The following PTPRS variants were observed in gnomAD, a reference collection of about 807,000 sequenced individuals.
PTPRS encodes the protein protein tyrosine phosphatase receptor type S.
In PTPRS, 63 loss-of-function variants were observed where a neutral mutation model predicts 215.3. The observed-to-expected ratio is 0.29, with a 90% CI of 0.24 to 0.36. The LOEUF is 0.36. PTPRS is among the 10% of genes least tolerant of loss of function. The pLI is 1.00. For synonymous variants in PTPRS, 1,404 were observed against 1,191.4 expected, an observed-to-expected ratio of 1.18 and a Z score of -3.68; for missense variants, 2,258 against 2,825.8, an observed-to-expected ratio of 0.80 and a Z score of 4.56.
At chr19:5,309,398 T>C (rs952868891) in intron 1 of PTPRS, among the ~76,000 whole-genome samples, 1 of 152,192 alleles carries the variant, frequency 6.6e-6, no homozygotes. Flanking sequence ...GCTTGACGCA[T>C]ATTAACTCGT....
rs566878855 is a variant in PTPRS, at chr19:5,326,562, T to A, written c.-95+14102A>T. 9.2e-5 allele frequency among the ~76,000 whole-genome samples: 14 copies of A among 152,184 alleles called. No homozygotes were observed. In the South Asian group the frequency reaches 2.9e-3, roughly 32 times the overall value. On this transcript the variant is annotated intron_variant, in intron 1 of 37. Coordinates refer to ENST00000262963, the MANE Select transcript of PTPRS (RefSeq NM_002850.4). ...CTGGCTGGGCACGGTGGCTCGTGCC[T>A]GTAATCCCAGCGCTTTGCGAGGCTG...
At chr19:5,278,183 CAA>C (rs397951131) in intron 2 of PTPRS, 238 of 126,534 alleles carry the variant, frequency 1.9e-3, no homozygotes, top group South Asian at 8.4e-3. Context: ...TAGAAACTGC[CAA>C]AAAAAAAAAA....
At chr19:5,318,349 A>G (rs574064451) in intron 1 of PTPRS, among the ~76,000 whole-genome samples, 3 of 152,024 alleles carry the variant, frequency 2.0e-5, no homozygotes, top group South Asian at 2.1e-4. Flanking sequence ...AAAAAAAAAA[A>G]AAGAAGAAGA....
chr19:5,206,396 T>G lies in PTPRS; in HGVS notation c.*378A>C, dbSNP rs994104066. ...GCAGAGCGGGGAGGAGCCCCCCGGG[T>G]CCCCCTACCACCGCTGGGGGAGGAC... is the stretch of plus-strand genomic sequence containing the variant. On this transcript the variant is annotated 3_prime_UTR_variant, in exon 38 of 38. Transcript: ENST00000262963. 5 of 253,240 alleles carry G rather than the reference T, an allele frequency of 2.0e-5. No individual in the cohort carries two copies. Among genetic ancestry groups the G allele is most frequent in the Non-Finnish European group, 3.8e-5 (5 of 131,750 alleles). The allele number at this position is 253,240 out of a possible 1,614,324, so 15.7% of individuals were successfully genotyped here.
intron 11 of PTPRS, among the ~76,000 whole-genome samples, chr19:5,242,306 T>C (rs560216253): frequency 6.6e-6 from 1 of 152,348 alleles, no homozygotes; most frequent in East Asian, 1.9e-4. Flanking sequence ...ACCCGGGTGT[T>C]TGATCTTAGC....
At position 5,244,198 on chromosome 19, in the gene PTPRS, C is replaced by A. The variant is rs1181117492; in HGVS notation, c.1273G>T (p.Ala425Ser). The change falls in exon 11 of 38, where the codon GCC becomes TCC. Residue 425 changes from alanine (A) to serine (S), a missense_variant. By Grantham distance (99) the Ala-to-Ser change is moderately conservative (BLOSUM62 1). This residue lies in a region of PTPRS where 508 missense variants were observed against 799.4 expected (regional missense o/e 0.64). Transcript: ENST00000262963. This position sits in a 1 kb window ranked among gnomAD's most constrained non-coding sequence, Gnocchi z 7.2. ...ESVVTRTGEQ[A>S]PASAPRNVQA... ...ACGTTCCGCGGCGCGCTGGCCGGGG[C>A]CTGCTCGCCTGTGCGGGTGACCACG... 1.9e-6 allele frequency: 3 copies of A among 1,603,020 alleles called. No homozygotes were observed. In the Admixed American group the frequency reaches 5.0e-5, roughly 27 times the overall value.
chr19:5,326,907 G>C (rs2050184102), intron 1 of PTPRS, among the ~76,000 whole-genome samples: 1 of 152,124 alleles, frequency 6.6e-6, no homozygotes. Context: ...CTTAGGCGAT[G>C]GGGCAGCAAA....
At chr19:5,256,663 G>A (rs932121808) in intron 8 of PTPRS, among the ~76,000 whole-genome samples, 56 of 152,078 alleles carry the variant, frequency 3.7e-4, no homozygotes, top group African/African-American at 1.3e-3. Context: ...TTGGAGTCAC[G>A]AACGCATTAC....
rs998567946 is a variant in PTPRS at position 5,260,957 on chromosome 19, T to C, written c.578-135A>G. ...CCCAGGGAGGGGATCGAGCCAGCCC[T>C]GGGCATACGGACCCTGCGGGCTTTG... On this transcript the variant is annotated intron_variant, in intron 6 of 37. Transcript: ENST00000262963. 5.6e-6 allele frequency: 6 copies of C among 1,062,768 alleles called. No individual in the cohort carries two copies. The Admixed American group carries it at 1.1e-4, about 19-fold the overall frequency. 65.8% of individuals were successfully genotyped at this position (1,062,768 alleles called of 1,614,324 possible).
chr19:5,229,432 C>A, intron 15 of PTPRS, 59 bp downstream of exon 15: 2 of 1,362,030 alleles, frequency 1.5e-6, no homozygotes, highest in Non-Finnish European at 1.9e-6. Context: ...GTGGGGGGAG[C>A]GCAAGGGCCC....
chr19:5,266,695 C>T (rs867264064), intron 4 of PTPRS, among the ~76,000 whole-genome samples: 15 of 152,094 alleles, frequency 9.9e-5, no homozygotes, highest in African/African-American at 3.4e-4. Context: ...ACTGCTCCCC[C>T]GCTGTACACC....
intron 3 of PTPRS, 94 bp from the exon 4 acceptor site, chr19:5,273,677 C>A (rs1385421203): frequency 2.5e-5 from 36 of 1,441,546 alleles, no homozygotes; most frequent in Non-Finnish European, 3.4e-5. Flanking sequence ...AGGGGAATGG[C>A]AGTCAGCCCC....
chr19:5,308,609 T>G (rs1383259474), intron 1 of PTPRS, among the ~76,000 whole-genome samples: 1 of 152,026 alleles, frequency 6.6e-6, no homozygotes, highest in African/African-American at 2.4e-5. Context: ...GCGGCAGAGG[T>G]GGCTGCCAGC....
intron 1 of PTPRS, among the ~76,000 whole-genome samples, chr19:5,311,932 G>C (rs774160938): frequency 6.6e-6 from 1 of 151,912 alleles, no homozygotes; most frequent in Non-Finnish European, 1.5e-5. Flanking sequence ...CCCAGCTACT[G>C]GGGAGGCTGA....
At chr19:5,283,273 TCCTGTCACCCCAGCACTTTCG>T (rs1568561778) in intron 2 of PTPRS, among the ~76,000 whole-genome samples, 1 of 49,564 alleles carries the variant, frequency 2.0e-5, no homozygotes, top group Non-Finnish European at 4.4e-5. Context: ...CAGCACTTTC[TCCTGTCACCCCAGCACTTTCG>T]CCTGTCACAC....
intron 1 of PTPRS, 118 bp from the exon 2 acceptor site, chr19:5,286,352 G>A: frequency 3.4e-6 from 2 of 579,958 alleles, no homozygotes; most frequent in Middle Eastern, 4.6e-4. Context: ...CTGGTCATGG[G>A]ACAATGGGGA....
Position 5,225,711 on chromosome 19 carries a change from A to C in PTPRS, c.2494+16T>G. ...AAAGGGGCTGTTGGTGGGTGGGAGGAGGGCGGGTTGCATACCTGCTCCCTT... is the reference window on the plus strand; with the variant it reads ...AAAGGGGCTGTTGGTGGGTGGGAGGCGGGCGGGTTGCATACCTGCTCCCTT... On this transcript the variant is annotated intron_variant, in intron 17 of 37. Coordinates refer to ENST00000262963, the MANE Select transcript of PTPRS (RefSeq NM_002850.4). The C allele has an allele frequency of 6.3e-7, 1 of 1,594,022 alleles. No individual in the cohort carries two copies. The highest frequency in any genetic ancestry group is 1.1e-5 in the South Asian group (1 of 90,664).
chr19:5,207,883 G>T, intron 37 of PTPRS, 39 bp downstream of exon 37: 1 of 1,605,886 alleles, frequency 6.2e-7, no homozygotes, highest in East Asian at 2.2e-5. Flanking sequence ...CAGTCGGGGC[G>T]TGAGGCCAGG....
At chr19:5,283,972 T>C (rs1045533380) in intron 2 of PTPRS, among the ~76,000 whole-genome samples, 2 of 152,004 alleles carry the variant, frequency 1.3e-5, no homozygotes, top group African/African-American at 4.8e-5. Context: ...CCCAGTACTT[T>C]GGGAGGCTGA....
Sources: allele counts gnomAD v4.1 joint callset (sites outside exome capture counted in the v4.1 genomes callset), GRCh38; gene constraint gnomAD v4.1.1; regional missense constraint gnomAD v4.1.1; non-coding constraint Gnocchi (gnomAD v3.1); transcripts MANE v1.5; gene names NCBI Gene and HGNC (gene_info 2026-07-23, HGNC 2026-07-21).